SLC44A1: variants seen among roughly 807,000 people sequenced by gnomAD.
SLC44A1 encodes the protein solute carrier family 44 member 1.
Under a neutral mutation model 79.3 loss-of-function variants are expected in SLC44A1, and 26 were observed. That is an observed-to-expected ratio of 0.33 (90% CI 0.24 to 0.46). The LOEUF (loss-of-function observed/expected upper bound fraction) is 0.46. Among genes scored for constraint, SLC44A1 ranks in the 20% least tolerant of loss-of-function variants. The pLI, the probability that SLC44A1 is intolerant of heterozygous loss-of-function variation, is 1.00. For synonymous variants in SLC44A1, 263 were observed against 286.2 expected, an observed-to-expected ratio of 0.92 and a Z score of 0.82; for missense variants, 688 against 798.1, an observed-to-expected ratio of 0.86 and a Z score of 1.66.
intron 15 of SLC44A1, among the ~76,000 whole-genome samples, chr9:105,433,591 C>G (rs78996927): frequency 0.021 from 3,148 of 151,910 alleles, 115 homozygotes; most frequent in African/African-American, 0.072. Flanking sequence ...AGATACCGCA[C>G]TCCCTCCCAC....
intron 2 of SLC44A1, among the ~76,000 whole-genome samples, chr9:105,302,179 T>C (rs1053867683): frequency 4.6e-5 from 7 of 152,188 alleles, no homozygotes; most frequent in African/African-American, 1.4e-4. Context: ...ATTTGAACTT[T>C]CATCACTATT....
chr9:105,322,156 G>T (rs1168031776), intron 3 of SLC44A1, among the ~76,000 whole-genome samples: 1 of 152,246 alleles, frequency 6.6e-6, no homozygotes, highest in African/African-American at 2.4e-5. Context: ...TAGGCTAAGT[G>T]TAGTTACTGA....
rs1828757716 is a variant in SLC44A1 at position 105,391,299 on chromosome 9, A to G, written c.*2243A>G. 1.5e-5 allele frequency: 15 copies of G among 985,698 alleles called. No individual in the cohort carries two copies. In the South Asian group the frequency reaches 6.1e-4, roughly 40 times the overall value. 61.1% of individuals were successfully genotyped at this position (985,698 alleles called of 1,614,324 possible). A position where few individuals can be genotyped will look rare whatever the true frequency, so the allele number is the denominator to read the frequency against. On this transcript the variant is annotated 3_prime_UTR_variant, in exon 16 of 16. Coordinates refer to ENST00000374720, the MANE Select transcript of SLC44A1 (RefSeq NM_080546.5). ...GAATGCTTTCTAATTATCATTTGCA[A>G]CTAGAACTGTAATCAGAAAGAAATT... is the stretch of plus-strand genomic sequence containing the variant.
rs902780427 is a variant in SLC44A1, at chr9:105,392,046, A to G, written c.*2990A>G. 1.7e-5 allele frequency: 17 copies of G among 985,078 alleles called. No homozygotes were observed. Among genetic ancestry groups the G allele is most frequent in the African/African-American group, 1.7e-5 (1 of 57,198 alleles). 61.0% of individuals were successfully genotyped at this position (985,078 alleles called of 1,614,324 possible). A position where few individuals can be genotyped will look rare whatever the true frequency, so the allele number is the denominator to read the frequency against. ...CCATAATATGGAAGAGAAAAGTTAT[A>G]TTTCAGTGTAAATCCAAGAGACCCA... On this transcript the variant is annotated 3_prime_UTR_variant, in exon 16 of 16. Transcript: ENST00000374720.
chr9:105,421,582 C>CTT lies in SLC44A1; in HGVS notation c.1951-16680_1951-16679dup, dbSNP rs1056443918. Reference sequence around the variant, plus strand: ...TAGGTTCACAAGACTTCAGAAATCTCTTTTTTTTTTTTTTTTTTTTGAGAC... The same window carrying CTT: ...TAGGTTCACAAGACTTCAGAAATCTCTTTTTTTTTTTTTTTTTTTTTTGAGAC... On this transcript the variant is annotated intron_variant, in intron 15 of 15. Coordinates refer to the SLC44A1 transcript ENST00000374724. Among the ~76,000 whole-genome samples the CTT allele has an allele frequency of 1.5e-3, 198 of 130,130 alleles. 1 individual carries two copies. The highest frequency in any genetic ancestry group is 3.5e-3 in the African/African-American group (124 of 35,144). The allele number at this position is 130,130 out of a possible 152,430, so 85.4% of individuals were successfully genotyped here. A position where few individuals can be genotyped will look rare whatever the true frequency, so the allele number is the denominator to read the frequency against.
intron 5 of SLC44A1, among the ~76,000 whole-genome samples, chr9:105,350,437 T>C (rs1198987075): frequency 6.6e-6 from 1 of 152,114 alleles, no homozygotes; most frequent in African/African-American, 2.4e-5. Context: ...TAAGACCTAG[T>C]CTCTGTCTTT....
chr9:105,300,832 A>G (rs1298789182), intron 2 of SLC44A1, among the ~76,000 whole-genome samples: 3 of 150,464 alleles, frequency 2.0e-5, no homozygotes, highest in African/African-American at 7.4e-5. Context: ...GCTGGAGTGC[A>G]TGGTGTGATC....
intron 1 of SLC44A1, among the ~76,000 whole-genome samples, chr9:105,247,271 A>T (rs1829479008): frequency 6.6e-6 from 1 of 152,102 alleles, no homozygotes; most frequent in Admixed American, 6.6e-5. Flanking sequence ...AGCCTCTCTT[A>T]GGGGTCTCAA....
downstream of SLC44A1, chr9:105,397,449 G>A (rs539730130): frequency 4.2e-6 from 3 of 714,268 alleles, no homozygotes; most frequent in East Asian, 4.0e-4. Context: ...ATGCTGCAAG[G>A]GTGCCCCAGA....
chr9:105,381,386 CAA>C (rs879908527), intron 13 of SLC44A1, among the ~76,000 whole-genome samples: 1 of 136,784 alleles, frequency 7.3e-6, no homozygotes, highest in Non-Finnish European at 1.6e-5. Context: ...CTAAAAAATA[CAA>C]AAAAAAAAAA....
chr9:105,292,451 A>G (rs1233873903), intron 1 of SLC44A1, among the ~76,000 whole-genome samples: 2 of 152,206 alleles, frequency 1.3e-5, no homozygotes, highest in Non-Finnish European at 2.9e-5. Context: ...GAAGTGAGAA[A>G]TGGCTGATTT....
intron 1 of SLC44A1, among the ~76,000 whole-genome samples, chr9:105,274,870 C>G (rs1830163774): frequency 6.6e-6 from 1 of 152,152 alleles, no homozygotes; most frequent in African/African-American, 2.4e-5. Context: ...TTAGTAGAGC[C>G]AGGAACTCTT....
chr9:105,309,922 A>G, intron 3 of SLC44A1, 56 bp downstream of exon 3: 1 of 1,549,454 alleles, frequency 6.5e-7, no homozygotes, highest in Non-Finnish European at 8.8e-7. Flanking sequence ...GGCACAGAGA[A>G]AATCCTGCTG....
intron 1 of SLC44A1, among the ~76,000 whole-genome samples, chr9:105,297,022 G>T (rs927565976): frequency 6.6e-6 from 1 of 152,066 alleles, no homozygotes; most frequent in African/African-American, 2.4e-5. Flanking sequence ...CATCTCTTAC[G>T]CCACAATGCT....
At chr9:105,258,759 C>G (rs185853711) in intron 1 of SLC44A1, among the ~76,000 whole-genome samples, 2 of 152,240 alleles carry the variant, frequency 1.3e-5, no homozygotes, top group East Asian at 3.9e-4. Flanking sequence ...GCAGTCTTGG[C>G]TCACTGCAAC....
chr9:105,274,514 C>T (rs547926180), intron 1 of SLC44A1, among the ~76,000 whole-genome samples: 1 of 152,190 alleles, frequency 6.6e-6, no homozygotes, highest in African/African-American at 2.4e-5. Context: ...ACACTGACCA[C>T]CTCCTTCTCT....
intron 1 of SLC44A1, among the ~76,000 whole-genome samples, chr9:105,270,301 C>T (rs150149307): frequency 3.9e-4 from 60 of 152,272 alleles, no homozygotes; most frequent in African/African-American, 1.4e-3. Context: ...TCATATCTGA[C>T]ATGGGTCAAC....
chr9:105,413,771 A>G (rs1378561330), intron 15 of SLC44A1, among the ~76,000 whole-genome samples: 1 of 152,188 alleles, frequency 6.6e-6, no homozygotes. Context: ...TATCAGACAG[A>G]ATGTGAGGAA....
chr9:105,309,065 A>G (rs903176116), intron 2 of SLC44A1, among the ~76,000 whole-genome samples: 1 of 152,190 alleles, frequency 6.6e-6, no homozygotes, highest in Non-Finnish European at 1.5e-5. Flanking sequence ...CCAGTCTTCA[A>G]TATTAAGAGC....
Sources: gnomAD v4.1 joint callset for allele counts (sites outside exome capture counted in the v4.1 genomes callset) on GRCh38, gnomAD v4.1.1 for gene constraint, MANE v1.5 for transcripts, NCBI Gene and HGNC (gene_info 2026-07-23, HGNC 2026-07-21) for gene names.